Variants in PCDHGB6 observed in about 807,000 individuals in gnomAD.
PCDHGB6 encodes the protein protocadherin gamma subfamily B, 6, also known as protocadherin gamma-B6.
Under a neutral mutation model 59.1 loss-of-function variants are expected in PCDHGB6, and 51 were observed. The ratio of observed to expected loss-of-function variants is 0.86; its 90% CI spans 0.69 to 1.09. The LOEUF is 1.09. Ranked by LOEUF, PCDHGB6 falls within the 50% of genes least tolerant of loss-of-function variation. The probability of loss-of-function intolerance (pLI) is 0.00; values close to 1 mark genes in which losing one functional copy is unlikely to be tolerated. For synonymous variants in PCDHGB6, 466 were observed against 495.1 expected, an observed-to-expected ratio of 0.94 and a Z score of 0.78; for missense variants, 1,148 against 1,205.1, an observed-to-expected ratio of 0.95 and a Z score of 0.70.
In PCDHGB6 at chr5:141,485,423, C is replaced by A; in HGVS notation, c.2419-9384C>A. On this transcript the variant is annotated intron_variant, in intron 1 of 3. Transcript: ENST00000520790. This position sits in a 1 kb window ranked among gnomAD's most constrained non-coding sequence, Gnocchi z 5.7. Reference sequence around the variant, plus strand: ...CCGTGTGGATTTGGACAGCGGAGCCCTGCTCATCAAGAACCCAATCGACCG... The same window carrying A: ...CCGTGTGGATTTGGACAGCGGAGCCATGCTCATCAAGAACCCAATCGACCG... 1 of 1,614,204 alleles carries A rather than the reference C, an allele frequency of 6.2e-7. No homozygotes were observed. The highest frequency in any genetic ancestry group is 8.5e-7 in the Non-Finnish European group (1 of 1,180,036).
chr5:141,490,061 A>T lies in PCDHGB6; in HGVS notation c.2419-4746A>T. The stretch of plus-strand genomic sequence containing the variant: ...GCCACTGATCCAGACGAGGGCACCA[A>T]CGGCCAACTAGACTATTCTTTTGGA... On this transcript the variant is annotated intron_variant, in intron 1 of 3. Transcript: ENST00000520790. This position sits in a 1 kb window ranked among gnomAD's most constrained non-coding sequence, Gnocchi z 5.4. 1 of 1,614,214 alleles carries T rather than the reference A, an allele frequency of 6.2e-7. No homozygotes were observed. The highest frequency in any genetic ancestry group is 8.5e-7 in the Non-Finnish European group (1 of 1,180,030).
chr5:141,501,478 T>A (rs536337246), intron 2 of PCDHGB6, among the ~76,000 whole-genome samples: 5 of 151,890 alleles, frequency 3.3e-5, no homozygotes, highest in Non-Finnish European at 7.4e-5. Flanking sequence ...CCTGGAAGAG[T>A]CCCTCATATC....
chr5:141,501,328 CACA>C (rs2099808027), intron 2 of PCDHGB6, among the ~76,000 whole-genome samples: 1 of 151,710 alleles, frequency 6.6e-6, no homozygotes, highest in Non-Finnish European at 1.5e-5. Context: ...CACACACACA[CACA>C]CACCCCAAAC....
intron 1 of PCDHGB6, among the ~76,000 whole-genome samples, chr5:141,488,635 C>T (rs1476156734): frequency 6.6e-6 from 1 of 152,152 alleles, no homozygotes; most frequent in Non-Finnish European, 1.5e-5. Flanking sequence ...ACCTTAGCAG[C>T]ATTCAGCAGG....
chr5:141,411,743 G>A (rs2095510866), intron 1 of PCDHGB6: 2 of 152,860 alleles, frequency 1.3e-5, no homozygotes, highest in Non-Finnish European at 2.9e-5. Flanking sequence ...TTAGCAGGGT[G>A]TGGTGGCACA....
chr5:141,421,795 GC>G, intron 1 of PCDHGB6: 1 of 1,613,818 alleles, frequency 6.2e-7, no homozygotes, highest in East Asian at 2.2e-5. Context: ...AACGGATGGG[GC>G]CAAGAATCCA....
chr5:141,484,647 G>C (rs556711906), intron 1 of PCDHGB6, among the ~76,000 whole-genome samples: 1 of 151,948 alleles, frequency 6.6e-6, no homozygotes, highest in African/African-American at 2.4e-5. Context: ...CTCTCCAATG[G>C]CTACTCTCCC....
Position 141,511,334 on chromosome 5 carries a change from C to A in PCDHGB6, c.*161C>A. 7.0e-7 allele frequency: 1 copy of A among 1,438,700 alleles called. No homozygotes were observed. Among genetic ancestry groups the A allele is most frequent in the Non-Finnish European group, 9.2e-7 (1 of 1,083,314 alleles). 89.1% of individuals were successfully genotyped at this position (1,438,700 alleles called of 1,614,324 possible). On this transcript the variant is annotated 3_prime_UTR_variant, in exon 4 of 4. Coordinates refer to ENST00000520790, the MANE Select transcript of PCDHGB6 (RefSeq NM_018926.3). ...GAAACAGAAACAAGTGCCCAGTCAG[C>A]ACCTACCCCTTCCCCCCCAGGGGGT...
At chr5:141,418,337 C>G (rs1308299122) in intron 1 of PCDHGB6, 1 of 1,613,972 alleles carries the variant, frequency 6.2e-7, no homozygotes, top group East Asian at 2.2e-5. Context: ...TGCAGAAGAT[C>G]CTGATATTAG....
intron 1 of PCDHGB6, chr5:141,421,033 C>T (rs915028623): frequency 2.4e-5 from 13 of 533,788 alleles, no homozygotes; most frequent in Non-Finnish European, 6.5e-6. Context: ...CCATTGAGTC[C>T]CTCCCTCCCC....
intron 2 of PCDHGB6, among the ~76,000 whole-genome samples, chr5:141,496,352 G>A (rs2099768243): frequency 2.0e-5 from 3 of 152,200 alleles, no homozygotes; most frequent in South Asian, 2.1e-4. Context: ...GAGTCTCAGA[G>A]CCCAGGGAGA....
intron 1 of PCDHGB6, among the ~76,000 whole-genome samples, chr5:141,473,948 A>ACC (rs2099333859): frequency 1.3e-5 from 2 of 152,182 alleles, no homozygotes; most frequent in Non-Finnish European, 2.9e-5. Context: ...TCAGGCCTGT[A>ACC]GTCCCATCTA....
intron 1 of PCDHGB6, among the ~76,000 whole-genome samples, chr5:141,464,417 A>C (rs2099083685): frequency 6.6e-6 from 1 of 151,564 alleles, no homozygotes; most frequent in African/African-American, 2.4e-5. Flanking sequence ...ATATATATCT[A>C]TATATATAGA....
At chr5:141,419,297 G>A (rs1460451634) in intron 1 of PCDHGB6, 1 of 1,614,048 alleles carries the variant, frequency 6.2e-7, no homozygotes, top group Admixed American at 1.7e-5. Context: ...CTCTGACCCA[G>A]ACTTCGGGCT....
At chr5:141,468,346 A>AG (rs2099164784) in intron 1 of PCDHGB6, 33 of 147,324 alleles carry the variant, frequency 2.2e-4, no homozygotes, top group Middle Eastern at 6.9e-3. Flanking sequence ...AAAAAAAAAA[A>AG]AAAGAAAGAA....
Position 141,490,600 on chromosome 5 carries a change from T to G in PCDHGB6, c.2419-4207T>G. 6.2e-7 allele frequency: 1 copy of G among 1,614,164 alleles called. No homozygotes were observed. Among genetic ancestry groups the G allele is most frequent in the South Asian group, 1.1e-5 (1 of 91,072 alleles). ...AGATGTCAATGACAATGCACCCCGCTTCAACCAGCAGCTTTACACTGCTTA... is the reference window on the plus strand; with the variant it reads ...AGATGTCAATGACAATGCACCCCGCGTCAACCAGCAGCTTTACACTGCTTA... On this transcript the variant is annotated intron_variant, in intron 1 of 3. Coordinates refer to ENST00000520790, the MANE Select transcript of PCDHGB6 (RefSeq NM_018926.3). The surrounding 1 kb of genome is among the most constrained non-coding windows in gnomAD (Gnocchi z 5.4).
chr5:141,460,924 A>ATG (rs1333352687), intron 1 of PCDHGB6, among the ~76,000 whole-genome samples: 26 of 150,590 alleles, frequency 1.7e-4, no homozygotes, highest in South Asian at 6.3e-4. Flanking sequence ...ATATATATAT[A>ATG]TGTGTGTGTG....
Position 141,491,456 on chromosome 5 carries a change from C to A in PCDHGB6, c.2419-3351C>A. ...TGCAGGCGCCAGGACTCACCCTCCC[C>A]GGACTTCTATAAGCAGTCCAGCCCC... On this transcript the variant is annotated intron_variant, in intron 1 of 3. Coordinates refer to ENST00000520790, the MANE Select transcript of PCDHGB6 (RefSeq NM_018926.3). The surrounding 1 kb of genome is among the most constrained non-coding windows in gnomAD (Gnocchi z 6.9). 1.2e-6 allele frequency: 2 copies of A among 1,614,104 alleles called. No homozygotes were observed.
At chr5:141,507,809 C>G (rs866898784) in intron 3 of PCDHGB6, among the ~76,000 whole-genome samples, 1 of 152,206 alleles carries the variant, frequency 6.6e-6, no homozygotes, top group Non-Finnish European at 1.5e-5. Context: ...CCCTGGGGAA[C>G]GGACCCTGGG....
Sources: gnomAD v4.1 joint callset for allele counts (sites outside exome capture counted in the v4.1 genomes callset) on GRCh38, gnomAD v4.1.1 for gene constraint, Gnocchi (gnomAD v3.1) non-coding constraint, MANE v1.5 for transcripts, NCBI Gene and HGNC (gene_info 2026-07-23, HGNC 2026-07-21) for gene names.